Variants in IL1R1 observed in about 807,000 individuals in gnomAD.
IL1R1 encodes the protein interleukin-1 receptor type 1.
A neutral mutation model predicts 50.2 loss-of-function variants in IL1R1; 22 were observed. The observed-to-expected ratio is 0.44, with a 90% CI of 0.31 to 0.63. The LOEUF is 0.63. IL1R1 is among the 20% of genes least tolerant of loss of function. The pLI, the probability that IL1R1 is intolerant of heterozygous loss-of-function variation, is 0.07. For synonymous variants in IL1R1, 251 were observed against 236.7 expected (o/e 1.06, Z -0.55); for missense variants, 509 against 676.2 (o/e 0.75, Z 2.74).
At chr2:102,158,095 G>T (rs1274815111) in intron 3 of IL1R1, among the ~76,000 whole-genome samples, 3 of 152,232 alleles carry the variant, frequency 2.0e-5, no homozygotes, top group Non-Finnish European at 4.4e-5. Flanking sequence ...TTGGCTGCTG[G>T]TTGAAAGTGT....
At chr2:102,174,929 C>T (rs1047159141) in intron 10 of IL1R1, among the ~76,000 whole-genome samples, 199 bp downstream of exon 10, 1 of 152,034 alleles carries the variant, frequency 6.6e-6, no homozygotes, top group Non-Finnish European at 1.5e-5. Context: ...AAGTTCCTGC[C>T]TCAACATTCA....
chr2:102,171,318 G>A (rs1269520022), intron 7 of IL1R1, among the ~76,000 whole-genome samples: 1 of 152,162 alleles, frequency 6.6e-6, no homozygotes, highest in Non-Finnish European at 1.5e-5. Context: ...ACTAAAGAGA[G>A]GGGGTTAGCT....
intron 3 of IL1R1, among the ~76,000 whole-genome samples, chr2:102,161,976 A>G (rs528082066): frequency 1.3e-5 from 2 of 152,294 alleles, no homozygotes; most frequent in South Asian, 4.1e-4. Flanking sequence ...TGCTGGGATT[A>G]CAGGCATGAG....
chr2:102,139,073 T>C (rs1414505964), upstream of IL1R1, among the ~76,000 whole-genome samples: 1 of 151,982 alleles, frequency 6.6e-6, no homozygotes, highest in Non-Finnish European at 1.5e-5. Context: ...ATCAATGGAG[T>C]TCTTTGGGGG....
rs116777302 is a variant in IL1R1 at position 102,143,482 on chromosome 2, C to T, written c.-84+462C>T. Among the ~76,000 whole-genome samples the T allele has an allele frequency of 8.8e-3, 1,333 of 152,278 alleles. 20 individuals are homozygous for T. The highest frequency in any genetic ancestry group is 0.031 in the African/African-American group (1,274 of 41,544). ...GGGAATGTAGCTACAAGCAAGTAGGCGCTGAGAAGACACTCATTATTTACA... is the reference window on the plus strand; with the variant it reads ...GGGAATGTAGCTACAAGCAAGTAGGTGCTGAGAAGACACTCATTATTTACA... On this transcript the variant is annotated intron_variant, in intron 1 of 11. Transcript: ENST00000410023.
intron 3 of IL1R1, among the ~76,000 whole-genome samples, chr2:102,158,760 T>C (rs1684435121): frequency 6.6e-6 from 1 of 152,178 alleles, no homozygotes; most frequent in Non-Finnish European, 1.5e-5. Context: ...ACTTCAGGGT[T>C]CTTTGTTTAA....
chr2:102,156,247 G>C (rs1017801284), intron 2 of IL1R1: 1 of 152,582 alleles, frequency 6.6e-6, no homozygotes, highest in Non-Finnish European at 1.5e-5. Flanking sequence ...TAGTTTAAAG[G>C]TAAATATGGT....
chr2:102,131,125 C>T (rs1682006127), intron 1 of IL1R1, among the ~76,000 whole-genome samples: 1 of 152,136 alleles, frequency 6.6e-6, no homozygotes, highest in South Asian at 2.1e-4. Flanking sequence ...ACTGGAAAGT[C>T]TCGTAATTCA....
upstream of IL1R1, among the ~76,000 whole-genome samples, chr2:102,138,045 A>G (rs1215648545): frequency 2.0e-5 from 3 of 152,198 alleles, no homozygotes; most frequent in African/African-American, 7.2e-5. Flanking sequence ...AAAGGGTTGT[A>G]TTCTTCCTAC....
At position 102,171,832 on chromosome 2, in the gene IL1R1, C is replaced by T. The variant is rs775713566; in HGVS notation, c.753C>T (p.Thr251=). 26 of 1,604,770 alleles carry T rather than the reference C, an allele frequency of 1.6e-5. No homozygotes were observed. The highest frequency in any genetic ancestry group is 1.7e-4 in the Middle Eastern group (1 of 6,032). ...GSQIQLICNV[T]GQLSDIAYWK... ...AGATACAATTGATCTGTAATGTCAC[C>T]GGCCAGTTGAGTGACATTGCTTACT... Residue 251 remains threonine, a synonymous_variant, in exon 8 of 12, where the codon ACC becomes ACT. Transcript: ENST00000410023.
chr2:102,087,188 G>A (rs1679466239), intron 1 of IL1R1, among the ~76,000 whole-genome samples: 1 of 152,138 alleles, frequency 6.6e-6, no homozygotes, highest in Non-Finnish European at 1.5e-5. Context: ...AATGATCTAA[G>A]GCTTCAGTAA....
At chr2:102,073,946 G>A (rs1678850373) in intron 1 of IL1R1, among the ~76,000 whole-genome samples, 1 of 152,154 alleles carries the variant, frequency 6.6e-6, no homozygotes, top group Non-Finnish European at 1.5e-5. Context: ...GGAGCAAACA[G>A]GTCGAGGGAC....
In IL1R1 at chr2:102,177,725, C is replaced by G. The variant is rs1195313312; in HGVS notation, c.*966C>G. The G allele has an allele frequency of 6.6e-6, 1 of 152,378 alleles. No homozygotes were observed. The highest frequency in any genetic ancestry group is 2.4e-5 in the African/African-American group (1 of 41,442). 9.4% of individuals were successfully genotyped at this position (152,378 alleles called of 1,614,324 possible). A position where few individuals can be genotyped will look rare whatever the true frequency, so the allele number is the denominator to read the frequency against. On this transcript the variant is annotated 3_prime_UTR_variant, in exon 12 of 12. Coordinates refer to ENST00000410023, the MANE Select transcript of IL1R1 (RefSeq NM_000877.4). ...GCAACAGTAGCAGGGAATTGATCCACTTCTTAATGCTTTCCTCCCTGGCAT... is the reference window on the plus strand; with the variant it reads ...GCAACAGTAGCAGGGAATTGATCCAGTTCTTAATGCTTTCCTCCCTGGCAT...
At chr2:102,085,677 A>G (rs1228398931) in intron 1 of IL1R1, among the ~76,000 whole-genome samples, 2 of 152,014 alleles carry the variant, frequency 1.3e-5, no homozygotes, top group East Asian at 1.9e-4. Flanking sequence ...CAAGATTGCC[A>G]TAGCTATTAT....
intron 1 of IL1R1, among the ~76,000 whole-genome samples, chr2:102,112,703 G>A (rs1680839970): frequency 6.6e-6 from 1 of 152,196 alleles, no homozygotes; most frequent in African/African-American, 2.4e-5. Flanking sequence ...ATGTGTCTGT[G>A]TTAAGTGTAA....
At chr2:102,107,908 C>T (rs996512679) in intron 1 of IL1R1, among the ~76,000 whole-genome samples, 2 of 152,112 alleles carry the variant, frequency 1.3e-5, no homozygotes, top group African/African-American at 4.8e-5. Context: ...TGCTTTTGCT[C>T]TGAATTTTTA....
At chr2:102,120,101 C>T (rs1681322892) in intron 1 of IL1R1, among the ~76,000 whole-genome samples, 1 of 152,028 alleles carries the variant, frequency 6.6e-6, no homozygotes, top group African/African-American at 2.4e-5. Flanking sequence ...ATTTTCAGTG[C>T]TTATTTGGCC....
At chr2:102,172,275 A>C in intron 8 of IL1R1, 1 of 985,210 alleles carries the variant, frequency 1.0e-6, no homozygotes, top group African/African-American at 1.7e-5. Context: ...CTGCTCTCGA[A>C]AGCCTCTACT....
chr2:102,172,969 C>G (rs1171778604), intron 9 of IL1R1, 131 bp downstream of exon 9: 1 of 628,090 alleles, frequency 1.6e-6, no homozygotes. Flanking sequence ...ACTTCTATTT[C>G]TCTTTTACTC....
Sources: gnomAD v4.1 joint callset for allele counts (sites outside exome capture counted in the v4.1 genomes callset) on GRCh38, gnomAD v4.1.1 for gene constraint, MANE v1.5 for transcripts, NCBI Gene and HGNC (gene_info 2026-07-23, HGNC 2026-07-21) for gene names.